The following OIP5 variants were observed in gnomAD, a reference collection of about 807,000 sequenced individuals.
OIP5 encodes the protein Opa interacting protein 5.
OIP5 carries 24 observed loss-of-function variants against 20.3 expected under a neutral mutation model. The ratio of observed to expected loss-of-function variants is 1.18; its 90% CI spans 0.86 to 1.66. OIP5 has a LOEUF of 1.66. Ranked by LOEUF, OIP5 falls within the 40% of genes most tolerant of loss-of-function variation. OIP5 has a pLI of 0.00. For missense variants in OIP5, 339 were observed against 289.5 expected (o/e 1.17, Z -1.24); for synonymous variants, 143 against 121.3 (o/e 1.18, Z -1.17).
Position 41,309,882 on chromosome 15 carries a change from CT to C in OIP5, c.595-34del, listed in dbSNP as rs750652978. The C allele has an allele frequency of 1.2e-5, 17 of 1,470,362 alleles. No individual in the cohort carries two copies. The African/African-American group carries it at 1.3e-4, about 11-fold the overall frequency. The allele number at this position is 1,470,362 out of a possible 1,614,324, so 91.1% of individuals were successfully genotyped here. A position where few individuals can be genotyped will look rare whatever the true frequency, so the allele number is the denominator to read the frequency against. On this transcript the variant is annotated intron_variant, in intron 4 of 4. Transcript: ENST00000220514. ...GAGAAATATATAGATATCAGGGCAT[CT>C]TTTTTTATTTTTACTTATTTTAAGA...
chr15:41,319,354 C>G (rs1401642611), intron 3 of OIP5, among the ~76,000 whole-genome samples: 1 of 151,960 alleles, frequency 6.6e-6, no homozygotes, highest in Non-Finnish European at 1.5e-5. Flanking sequence ...CTCCCAGGTT[C>G]CAACAATTCT....
chr15:41,323,706 A>G (rs1268770709), intron 2 of OIP5, among the ~76,000 whole-genome samples: 2 of 145,410 alleles, frequency 1.4e-5, no homozygotes, highest in South Asian at 2.2e-4. Flanking sequence ...CCTGTGCTCA[A>G]GCAATCCTCC....
chr15:41,309,865 T>G lies in OIP5; in HGVS notation c.595-16A>C, dbSNP rs770254563. 2 of 1,549,898 alleles carry G rather than the reference T, an allele frequency of 1.3e-6. No individual in the cohort carries two copies. Among genetic ancestry groups the G allele is most frequent in the South Asian group, 2.3e-5 (2 of 88,704 alleles). Reference sequence around the variant, plus strand: ...TCTCTTTCAGCTAGGAAGAGAAATATATAGATATCAGGGCATCTTTTTTTA... The same window carrying G: ...TCTCTTTCAGCTAGGAAGAGAAATAGATAGATATCAGGGCATCTTTTTTTA... On this transcript the variant is annotated splice_polypyrimidine_tract_variant and intron_variant, in intron 4 of 4. Coordinates refer to ENST00000220514, the MANE Select transcript of OIP5 (RefSeq NM_007280.2).
intron 2 of OIP5, among the ~76,000 whole-genome samples, chr15:41,331,020 G>C (rs1595505409): frequency 6.6e-6 from 1 of 152,160 alleles, no homozygotes; most frequent in East Asian, 1.9e-4. Flanking sequence ...GAAAAAGAAA[G>C]GGAGCTGTGG....
intron 2 of OIP5, among the ~76,000 whole-genome samples, chr15:41,323,229 G>A (rs1019553366): frequency 2.6e-5 from 4 of 152,138 alleles, no homozygotes; most frequent in African/African-American, 4.8e-5. Flanking sequence ...AATGGCTCAC[G>A]CTTGTAATCC....
At chr15:41,315,445 T>A (rs578222045) in intron 3 of OIP5, among the ~76,000 whole-genome samples, 16 of 150,430 alleles carry the variant, frequency 1.1e-4, no homozygotes, top group African/African-American at 3.7e-4. Flanking sequence ...AAAAAAAAAA[T>A]TTATGCTGAT....
rs535159728 is a variant in OIP5 at position 41,321,733 on chromosome 15, C to G, written c.390-1953G>C. 3.8e-3 allele frequency among the ~76,000 whole-genome samples: 574 copies of G among 150,230 alleles called. 2 individuals are homozygous for G. The highest frequency in any genetic ancestry group is 6.1e-3 in the South Asian group (29 of 4,762). ...ACAGATGCTTGAAGGCAGCATGCTC[C>G]TTAAGAGTCATCACCACTCCCTAAT... is the stretch of plus-strand genomic sequence containing the variant. On this transcript the variant is annotated intron_variant, in intron 2 of 4. Transcript: ENST00000220514.
Position 41,315,120 on chromosome 15 carries a change from T to TA in OIP5, c.513-1767dup, listed in dbSNP as rs1026487802. Among the ~76,000 whole-genome samples, 10 of 140,470 alleles carry TA rather than the reference T, an allele frequency of 7.1e-5. No homozygotes were observed. The East Asian group carries it at 8.4e-4, about 12-fold the overall frequency. The allele number at this position is 140,470 out of a possible 152,430, so 92.2% of individuals were successfully genotyped here. On this transcript the variant is annotated intron_variant, in intron 3 of 4. Transcript: ENST00000220514. ...GTCTCAAAAAAAAAAAAAAAAAGAATAAAAAAAAGATTAAGAAAATTTATG... is the reference window on the plus strand; with the variant it reads ...GTCTCAAAAAAAAAAAAAAAAAGAATAAAAAAAAAGATTAAGAAAATTTATG...
At position 41,319,666 on chromosome 15, in the gene OIP5, T is replaced by C; in HGVS notation, c.504A>G (p.Lys168=). The C allele has an allele frequency of 3.1e-6, 5 of 1,613,140 alleles. No homozygotes were observed. Among genetic ancestry groups the C allele is most frequent in the Non-Finnish European group, 4.2e-6 (5 of 1,179,612 alleles). Residue 168 remains lysine (K), a synonymous_variant, in exon 3 of 5, where the codon AAA becomes AAG. Coordinates refer to ENST00000220514, the MANE Select transcript of OIP5 (RefSeq NM_007280.2). The part of the protein sequence containing the change: ...LRGHFCLSSD[K]MVCYLLKTKA... ...TATCTAAGTCTACTCACCACACCAT[T>C]TTGTCACTGGAAAGGCAGAAGTGAC...
chr15:41,311,197 A>G (rs2047751678), intron 4 of OIP5, among the ~76,000 whole-genome samples: 1 of 152,114 alleles, frequency 6.6e-6, no homozygotes, highest in Non-Finnish European at 1.5e-5. Context: ...TTTAGCAGAG[A>G]TGGTAAAACC....
At chr15:41,330,958 C>T (rs989910206) in intron 2 of OIP5, among the ~76,000 whole-genome samples, 18 of 152,094 alleles carry the variant, frequency 1.2e-4, no homozygotes, top group Admixed American at 3.9e-4. Context: ...TGCTTTGTCC[C>T]CTTTGGGTGG....
At chr15:41,321,317 G>A (rs900735717) in intron 2 of OIP5, among the ~76,000 whole-genome samples, 5 of 148,332 alleles carry the variant, frequency 3.4e-5, no homozygotes, top group African/African-American at 7.5e-5. Context: ...TCAGCCCCCC[G>A]CCCGGCCAGC....
intron 2 of OIP5, among the ~76,000 whole-genome samples, chr15:41,321,312 C>T (rs1415100929): frequency 2.5e-4 from 37 of 150,282 alleles, no homozygotes; most frequent in African/African-American, 8.3e-4. Flanking sequence ...GGGGGTCAGC[C>T]CCCCGCCCGG....
At chr15:41,317,859 T>C (rs2047797589) in intron 3 of OIP5, among the ~76,000 whole-genome samples, 1 of 152,146 alleles carries the variant, frequency 6.6e-6, no homozygotes, top group African/African-American at 2.4e-5. Context: ...TTTAAATTTT[T>C]TGTAGAGACA....
chr15:41,332,121 T>A, intron 1 of OIP5, 119 bp downstream of exon 1: 5 of 1,362,664 alleles, frequency 3.7e-6, no homozygotes, highest in Non-Finnish European at 5.1e-6. Flanking sequence ...AAGGAGTTAT[T>A]TGCTTCCAAC....
intron 2 of OIP5, among the ~76,000 whole-genome samples, chr15:41,331,332 T>C (rs545287277): frequency 6.6e-6 from 1 of 152,326 alleles, no homozygotes; most frequent in Non-Finnish European, 1.5e-5. Flanking sequence ...ACTGAAGAAT[T>C]AGCCCTGGCA....
chr15:41,320,573 G>A (rs1043028820), intron 2 of OIP5, among the ~76,000 whole-genome samples: 1 of 152,026 alleles, frequency 6.6e-6, no homozygotes, highest in African/African-American at 2.4e-5. Flanking sequence ...GTCTCGTCTC[G>A]TTCACTCAGT....
chr15:41,321,200 TG>T (rs1421262056), intron 2 of OIP5, among the ~76,000 whole-genome samples: 1 of 133,622 alleles, frequency 7.5e-6, no homozygotes, highest in Non-Finnish European at 1.6e-5. Flanking sequence ...AGGAGGGAGG[TG>T]GGGGGGTCAG....
chr15:41,321,271 C>T (rs1364326504), intron 2 of OIP5, among the ~76,000 whole-genome samples: 9 of 149,986 alleles, frequency 6.0e-5, no homozygotes, highest in East Asian at 2.0e-4. Context: ...GCCCCCCGCC[C>T]GGCCAGCCGT....
Sources: gnomAD v4.1 joint callset for allele counts (sites outside exome capture counted in the v4.1 genomes callset) on GRCh38, gnomAD v4.1.1 for gene constraint, MANE v1.5 for transcripts, NCBI Gene and HGNC (gene_info 2026-07-23, HGNC 2026-07-21) for gene names.